Variants in ZCCHC2 observed in about 807,000 individuals in gnomAD.
The protein encoded by ZCCHC2 is zinc finger CCHC-type containing 2, also known as zinc finger CCHC domain-containing protein 2.
Under a neutral mutation model 103.6 loss-of-function variants are expected in ZCCHC2, and 39 were observed. That is an observed-to-expected ratio of 0.38 (90% CI 0.29 to 0.49). ZCCHC2 has a LOEUF of 0.49. Among genes scored for constraint, ZCCHC2 ranks in the 20% least tolerant of loss-of-function variants. The probability of loss-of-function intolerance (pLI) is 0.96; values close to 1 mark genes in which losing one functional copy is unlikely to be tolerated. For missense variants in ZCCHC2, 1,483 were observed against 1,491.0 expected (o/e 0.99, Z 0.09); for synonymous variants, 687 against 608.9 (o/e 1.13, Z -1.89).
chr18:62,559,053 T>G (rs760697750), intron 7 of ZCCHC2, among the ~76,000 whole-genome samples: 12 of 152,272 alleles, frequency 7.9e-5, no homozygotes, highest in Non-Finnish European at 1.8e-4. Flanking sequence ...AGTTACATCA[T>G]GCAGAAGACA....
Position 62,576,955 on chromosome 18 carries a change from GA to G in ZCCHC2, c.*386del, listed in dbSNP as rs796604053. 1.7e-4 allele frequency: 24 copies of G among 140,036 alleles called. No homozygotes were observed. The highest frequency in any genetic ancestry group is 6.6e-4 in the South Asian group (3 of 4,556). 8.7% of individuals were successfully genotyped at this position (140,036 alleles called of 1,614,324 possible). ...ACACTGGTGACAGTCATATGGTTTT[GA>G]AAAAAAAAAGAAATTTTGCTTCTTC... On this transcript the variant is annotated 3_prime_UTR_variant, in exon 14 of 14. Coordinates refer to ENST00000269499, the MANE Select transcript of ZCCHC2 (RefSeq NM_017742.6).
At chr18:62,562,890 A>T in intron 8 of ZCCHC2, 119 bp from the exon 9 acceptor site, 1 of 1,126,692 alleles carries the variant, frequency 8.9e-7, no homozygotes, top group Non-Finnish European at 1.3e-6. Flanking sequence ...ACCTATCATT[A>T]GGCATTCCTT....
Position 62,523,288 on chromosome 18 carries a change from G to GC in ZCCHC2, c.-132dup. On this transcript the variant is annotated 5_prime_UTR_variant, in exon 1 of 14. Transcript: ENST00000269499. Reference sequence around the variant, plus strand: ...CCGCCCCCCTCGCCGGCCGAGACCCGCCCCCGGCCCCGGCCCTCCCCCGGC... The same window carrying GC: ...CCGCCCCCCTCGCCGGCCGAGACCCGCCCCCCGGCCCCGGCCCTCCCCCGGC... The GC allele has an allele frequency of 3.7e-5, 24 of 649,792 alleles. No individual in the cohort carries two copies. Among genetic ancestry groups the GC allele is most frequent in the Non-Finnish European group, 4.5e-5 (24 of 530,732 alleles). 40.3% of individuals were successfully genotyped at this position (649,792 alleles called of 1,614,324 possible).
At chr18:62,568,241 T>C (rs1293019366) in intron 11 of ZCCHC2, among the ~76,000 whole-genome samples, 1 of 152,180 alleles carries the variant, frequency 6.6e-6, no homozygotes, top group African/African-American at 2.4e-5. Flanking sequence ...ATGTTTTACT[T>C]TTTGTTTTTA....
intron 1 of ZCCHC2, among the ~76,000 whole-genome samples, chr18:62,533,246 C>T (rs1914772700): frequency 6.6e-6 from 1 of 152,144 alleles, no homozygotes; most frequent in Non-Finnish European, 1.5e-5. Context: ...AAATACGAGG[C>T]TGGGTGTGGT....
At chr18:62,549,370 C>G (rs1915566545) in intron 4 of ZCCHC2, among the ~76,000 whole-genome samples, 1 of 152,226 alleles carries the variant, frequency 6.6e-6, no homozygotes, top group Non-Finnish European at 1.5e-5. Context: ...ACTGTACCCA[C>G]AATGAGGAAT....
In ZCCHC2 at chr18:62,574,038, T is replaced by C; in HGVS notation, c.1976-19T>C. On this transcript the variant is annotated intron_variant, in intron 12 of 13. Transcript: ENST00000269499. ...GAGTTATGCCCGTGTTAATATCTCT[T>C]TATGTTTGTTTTCTTTAGACACAGA... is the stretch of plus-strand genomic sequence containing the variant. The C allele has an allele frequency of 1.2e-6, 2 of 1,603,374 alleles. No individual in the cohort carries two copies.
chr18:62,543,636 G>A (rs995109667), intron 3 of ZCCHC2, among the ~76,000 whole-genome samples: 9 of 152,036 alleles, frequency 5.9e-5, no homozygotes, highest in African/African-American at 1.7e-4. Context: ...TCCCCAGACC[G>A]AGGACAGGCC....
intron 1 of ZCCHC2, among the ~76,000 whole-genome samples, chr18:62,527,384 C>T (rs1328146738): frequency 1.3e-5 from 2 of 152,076 alleles, no homozygotes; most frequent in African/African-American, 4.8e-5. Context: ...GCCATGGTTA[C>T]AATGTTAATA....
chr18:62,567,711 G>C (rs1916425880), intron 11 of ZCCHC2, among the ~76,000 whole-genome samples: 1 of 151,910 alleles, frequency 6.6e-6, no homozygotes, highest in African/African-American at 2.4e-5. Flanking sequence ...TGGGAGGCTG[G>C]GGCCCGGTGG....
chr18:62,542,653 ATT>A, intron 3 of ZCCHC2, 79 bp downstream of exon 3: 2 of 1,213,614 alleles, frequency 1.6e-6, no homozygotes, highest in Non-Finnish European at 2.4e-6. Context: ...AGGTTTGCTA[ATT>A]TAAGGGAAAA....
In ZCCHC2 at chr18:62,575,035, G is replaced by A; in HGVS notation, c.2954G>A (p.Ser985Asn). 1 of 1,614,010 alleles carries A rather than the reference G, an allele frequency of 6.2e-7. No individual in the cohort carries two copies. The highest frequency in any genetic ancestry group is 8.5e-7 in the Non-Finnish European group (1 of 1,179,900). The change falls in exon 13 of 14, where the codon AGC becomes AAC. Residue 985 changes from serine to asparagine, a missense_variant. Ser to Asn is a conservative substitution (Grantham distance 46). This residue lies in a region of ZCCHC2 where 884 missense variants were observed against 907.5 expected (regional missense o/e 0.97). Transcript: ENST00000269499. ...ACACACAGTACCGCGCAGAGTGACA[G>A]CACCTCTTACATCAGTGCTGTGGGG... is the stretch of plus-strand genomic sequence containing the variant. The part of the protein sequence containing the change: ...ALTHSTAQSD[S>N]TSYISAVGNT...
At chr18:62,536,153 T>G (rs2145491887) in intron 1 of ZCCHC2, among the ~76,000 whole-genome samples, 1 of 152,318 alleles carries the variant, frequency 6.6e-6, no homozygotes, top group African/African-American at 2.4e-5. Context: ...TATGTAATTG[T>G]GATGGGTCTA....
At chr18:62,584,206 G>A (rs144013514) in intron 14 of ZCCHC2, among the ~76,000 whole-genome samples, 2 of 152,298 alleles carry the variant, frequency 1.3e-5, no homozygotes, top group African/African-American at 4.8e-5. Context: ...AATTGTGGAA[G>A]CTTTGGAATT....
intron 6 of ZCCHC2, among the ~76,000 whole-genome samples, chr18:62,557,086 G>T (rs1305297856): frequency 6.6e-6 from 1 of 152,048 alleles, no homozygotes; most frequent in African/African-American, 2.4e-5. Context: ...CTGTTTTAAG[G>T]CCCAGCTGAA....
intron 1 of ZCCHC2, among the ~76,000 whole-genome samples, chr18:62,528,649 A>G (rs1241488038): frequency 6.6e-6 from 1 of 152,088 alleles, no homozygotes; most frequent in African/African-American, 2.4e-5. Context: ...TTAGTTAGCT[A>G]AATTGTACTT....
chr18:62,583,776 C>T (rs1411503384), intron 14 of ZCCHC2, among the ~76,000 whole-genome samples: 1 of 152,004 alleles, frequency 6.6e-6, no homozygotes, highest in Non-Finnish European at 1.5e-5. Flanking sequence ...TGCCTGGAAA[C>T]GTAGTCACGA....
intron 5 of ZCCHC2, among the ~76,000 whole-genome samples, chr18:62,553,130 C>T (rs139837834): frequency 1.2e-3 from 178 of 149,852 alleles, no homozygotes; most frequent in African/African-American, 4.3e-3. Flanking sequence ...CCAAAATTTT[C>T]TGTGCACATA....
chr18:62,544,207 A>G (rs1915317558), intron 3 of ZCCHC2, among the ~76,000 whole-genome samples: 1 of 152,202 alleles, frequency 6.6e-6, no homozygotes, highest in South Asian at 2.1e-4. Flanking sequence ...CAACCTACTT[A>G]GAGTCACACA....
Sources: gnomAD v4.1 joint callset for allele counts (sites outside exome capture counted in the v4.1 genomes callset) on GRCh38, gnomAD v4.1.1 for gene constraint, gnomAD v4.1.1 regional missense constraint, MANE v1.5 for transcripts, NCBI Gene and HGNC (gene_info 2026-07-23, HGNC 2026-07-21) for gene names.